Variants in PRKCB observed in about 807,000 individuals in gnomAD.
PRKCB encodes the protein protein kinase C beta, also known as protein kinase C beta type.
PRKCB carries 13 observed loss-of-function variants against 81.5 expected under a neutral mutation model. That is an observed-to-expected ratio of 0.16 (90% CI 0.10 to 0.25). PRKCB has a LOEUF of 0.25. Ranked by LOEUF, PRKCB falls within the 10% of genes least tolerant of loss-of-function variation. The probability of loss-of-function intolerance (pLI) is 1.00; values close to 1 mark genes in which losing one functional copy is unlikely to be tolerated. For synonymous variants in PRKCB, 335 were observed against 321.4 expected, an observed-to-expected ratio of 1.04 and a Z score of -0.45; for missense variants, 509 against 875.7, an observed-to-expected ratio of 0.58 and a Z score of 5.29.
At position 23,884,317 on chromosome 16, in the gene PRKCB, A is replaced by G. The variant is rs1336884858; in HGVS notation, c.205+46911A>G. 1.3e-5 allele frequency among the ~76,000 whole-genome samples: 2 copies of G among 152,224 alleles called. 1 individual carries two copies. The highest frequency in any genetic ancestry group is 2.9e-5 in the Non-Finnish European group (2 of 68,046). On this transcript the variant is annotated intron_variant, in intron 2 of 16. Coordinates refer to ENST00000643927, the MANE Select transcript of PRKCB (RefSeq NM_002738.7). ...AAGCAAAAGTCCTGGAGATTTCCCC[A>G]CATCATATACATGGGGACATAGGAA...
chr16:23,997,717 G>A (rs373653222), intron 3 of PRKCB, among the ~76,000 whole-genome samples: 349 of 152,304 alleles, frequency 2.3e-3, no homozygotes, highest in Middle Eastern at 6.8e-3. Context: ...AGGATACCAG[G>A]ACAAGAGGAA....
chr16:23,991,661 A>G (rs1019911598), intron 3 of PRKCB, among the ~76,000 whole-genome samples: 3 of 152,216 alleles, frequency 2.0e-5, no homozygotes, highest in African/African-American at 7.2e-5. Flanking sequence ...ACAGTGAATC[A>G]AAGTTCTAAA....
chr16:24,109,345 C>T (rs1185233411), intron 7 of PRKCB, among the ~76,000 whole-genome samples: 68 of 89,938 alleles, frequency 7.6e-4, no homozygotes, highest in African/African-American at 9.6e-4. Flanking sequence ...TCCTCACTTC[C>T]CAGACGGGGC....
intron 3 of PRKCB, among the ~76,000 whole-genome samples, chr16:24,017,989 C>G (rs554988834): frequency 1.3e-5 from 2 of 150,968 alleles, no homozygotes; most frequent in Non-Finnish European, 2.9e-5. Context: ...AGCTCCACCT[C>G]CTGGGTTCAT....
chr16:24,127,263 C>T (rs1174575185), intron 9 of PRKCB, among the ~76,000 whole-genome samples: 1 of 151,922 alleles, frequency 6.6e-6, no homozygotes, highest in Non-Finnish European at 1.5e-5. Flanking sequence ...GCCTCAGCCT[C>T]CCAAAGTGCT....
intron 2 of PRKCB, among the ~76,000 whole-genome samples, chr16:23,922,547 T>C (rs1464175745): frequency 2.0e-5 from 3 of 152,250 alleles, no homozygotes; most frequent in African/African-American, 4.8e-5. Context: ...CCTAGTTTTT[T>C]TGTGTGATGA....
intron 5 of PRKCB, among the ~76,000 whole-genome samples, chr16:24,037,134 G>A (rs60468427): frequency 0.21 from 32,211 of 151,926 alleles, 3,810 homozygotes; most frequent in South Asian, 0.38. Context: ...GATTACAGGC[G>A]CCCACCACCA....
chr16:24,118,082 C>T (rs568283403), intron 8 of PRKCB, among the ~76,000 whole-genome samples: 11 of 152,320 alleles, frequency 7.2e-5, no homozygotes, highest in South Asian at 2.1e-4. Context: ...GGAACACCAG[C>T]GATTGTACCT....
chr16:23,845,931 A>T (rs969382510), intron 2 of PRKCB, among the ~76,000 whole-genome samples: 7 of 152,218 alleles, frequency 4.6e-5, no homozygotes, highest in Non-Finnish European at 1.0e-4. Context: ...ATAAATAAAA[A>T]GAGAGAGCAC....
intron 7 of PRKCB, among the ~76,000 whole-genome samples, chr16:24,110,021 G>A (rs1400239335): frequency 7.3e-6 from 1 of 137,344 alleles, no homozygotes; most frequent in Non-Finnish European, 1.5e-5. Context: ...AGGCAGGGAG[G>A]TTGCAGTGAG....
intron 16 of PRKCB, among the ~76,000 whole-genome samples, chr16:24,209,226 G>T (rs1034884319): frequency 6.6e-6 from 1 of 152,070 alleles, no homozygotes; most frequent in Admixed American, 6.5e-5. Context: ...AGAAAAACAC[G>T]CACGGGTCTG....
intron 2 of PRKCB, among the ~76,000 whole-genome samples, chr16:23,916,014 C>T (rs900114020): frequency 7.2e-5 from 11 of 151,920 alleles, no homozygotes; most frequent in Middle Eastern, 6.8e-3. Context: ...AATGTCTTTC[C>T]GAGTTAAGAA....
At chr16:24,125,372 G>A (rs1179874231) in intron 9 of PRKCB, among the ~76,000 whole-genome samples, 4 of 152,044 alleles carry the variant, frequency 2.6e-5, no homozygotes, top group African/African-American at 9.7e-5. Context: ...CACCCACTGT[G>A]CTCTGGCCAC....
At chr16:24,179,438 T>C (rs533153865) in intron 12 of PRKCB, among the ~76,000 whole-genome samples, 1 of 152,272 alleles carries the variant, frequency 6.6e-6, no homozygotes, top group South Asian at 2.1e-4. Context: ...AAGGAATAGA[T>C]CCCCCTACCT....
chr16:23,932,991 G>A (rs1415028477), intron 2 of PRKCB, among the ~76,000 whole-genome samples: 1 of 151,972 alleles, frequency 6.6e-6, no homozygotes, highest in African/African-American at 2.4e-5. Context: ...GGGTCTTGTG[G>A]GTATCTGGGA....
chr16:24,078,026 C>A (rs1228038618), intron 5 of PRKCB, among the ~76,000 whole-genome samples: 2 of 152,344 alleles, frequency 1.3e-5, no homozygotes, highest in South Asian at 4.1e-4. Context: ...CATCACTTAA[C>A]GTTCTCACTG....
Position 24,191,102 on chromosome 16 carries a change from C to T in PRKCB, c.1735C>T (p.His579Tyr). 2 of 1,613,838 alleles carry T rather than the reference C, an allele frequency of 1.2e-6. No individual in the cohort carries two copies. The highest frequency in any genetic ancestry group is 1.7e-6 in the Non-Finnish European group (2 of 1,179,860). Residue 579 changes from histidine (H) to tyrosine (Y), a missense_variant, in exon 16 of 17, where the codon CAC becomes TAC. By Grantham distance (83) the His-to-Tyr change is moderately conservative. Transcript: ENST00000643927. Reference sequence around the variant, plus strand: ...CTTTCTCTCGAAGCTGATGACCAAACACCCAGGCAAACGTCTGGGTTGTGG... The same window carrying T: ...CTTTCTCTCGAAGCTGATGACCAAATACCCAGGCAAACGTCTGGGTTGTGG... ...VAICKGLMTKHPGKRLGCGPE... is the reference protein window; with the variant it reads ...VAICKGLMTKYPGKRLGCGPE...
At chr16:23,932,779 G>C (rs926315249) in intron 2 of PRKCB, among the ~76,000 whole-genome samples, 1 of 152,172 alleles carries the variant, frequency 6.6e-6, no homozygotes, top group Non-Finnish European at 1.5e-5. Flanking sequence ...TCCTTTCCCT[G>C]GTTTCTGTTT....
At chr16:23,926,241 A>G (rs13338431) in intron 2 of PRKCB, among the ~76,000 whole-genome samples, 8 of 151,720 alleles carry the variant, frequency 5.3e-5, no homozygotes, top group East Asian at 1.9e-4. Context: ...ACTGCCCCCC[A>G]GCCTGGGTGA....
Sources: gnomAD v4.1 joint callset for allele counts (sites outside exome capture counted in the v4.1 genomes callset) on GRCh38, gnomAD v4.1.1 for gene constraint, MANE v1.5 for transcripts, NCBI Gene and HGNC (gene_info 2026-07-23, HGNC 2026-07-21) for gene names.